ACADS: variants seen among roughly 807,000 people sequenced by gnomAD.
ACADS encodes short-chain specific acyl-CoA dehydrogenase, mitochondrial.
A neutral mutation model predicts 46.8 loss-of-function variants in ACADS; 28 were observed. The observed-to-expected ratio is 0.60, with a 90% CI of 0.44 to 0.82. The LOEUF (loss-of-function observed/expected upper bound fraction) is 0.82. Ranked by LOEUF, ACADS falls within the 40% of genes least tolerant of loss-of-function variation. The pLI is 0.00. For missense variants in ACADS, 528 were observed against 578.0 expected (o/e 0.91, Z 0.89); for synonymous variants, 236 against 237.7 (o/e 0.99, Z 0.07).
At chr12:120,729,258 CTTTT>C (rs137894149) in intron 2 of ACADS, among the ~76,000 whole-genome samples, 11 of 123,096 alleles carry the variant, frequency 8.9e-5, no homozygotes, top group African/African-American at 1.0e-4. Flanking sequence ...TTTCTTTTTT[CTTTT>C]TTTTTTTTTT....
intron 2 of ACADS, 132 bp from the exon 3 acceptor site, chr12:120,736,854 T>G (rs1883456060): frequency 1.7e-6 from 2 of 1,170,824 alleles, no homozygotes; most frequent in African/African-American, 3.1e-5. Flanking sequence ...TGGGGATCCC[T>G]TGTGCGTGGC....
Position 120,739,298 on chromosome 12 carries a change from C to T in ACADS, c.1089C>T (p.Ala363=), listed in dbSNP as rs1181387650. ...SEAATAISHQ[A]IQILGGMGYV... Reference sequence around the variant, plus strand: ...CTGAGCCACTGTTCTCATCTCAGGCCATCCAGATCCTGGGCGGCATGGGCT... The same window carrying T: ...CTGAGCCACTGTTCTCATCTCAGGCTATCCAGATCCTGGGCGGCATGGGCT... Residue 363 remains alanine, a splice_region_variant and synonymous_variant, in exon 10 of 10, where the codon GCC becomes GCT. Coordinates refer to ENST00000242592, the MANE Select transcript of ACADS (RefSeq NM_000017.4). The T allele has an allele frequency of 6.8e-6, 11 of 1,612,914 alleles. No individual in the cohort carries two copies. Among genetic ancestry groups the T allele is most frequent in the Non-Finnish European group, 8.5e-6 (10 of 1,179,950 alleles).
chr12:120,731,586 C>T (rs1883248719), intron 2 of ACADS, among the ~76,000 whole-genome samples: 1 of 151,856 alleles, frequency 6.6e-6, no homozygotes, highest in Admixed American at 6.6e-5. Flanking sequence ...TCCCAAGTAG[C>T]TGGGATTATA....
intron 2 of ACADS, among the ~76,000 whole-genome samples, chr12:120,733,197 CAGAGGGAGACCGTGGAAAGAGAGGG>C (rs1413767950): frequency 2.4e-4 from 37 of 152,276 alleles, no homozygotes; most frequent in African/African-American, 8.2e-4. Context: ...GGCTCGGCAT[CAGAGGGAGACCGTGGAAAGAGAGGG>C]AGAGGGAGAC....
In ACADS at chr12:120,737,764, G is replaced by C. The variant is rs932189721; in HGVS notation, c.473-73G>C. 3.7e-6 allele frequency: 6 copies of C among 1,601,100 alleles called. No homozygotes were observed. In the African/African-American group the frequency reaches 8.0e-5, roughly 21 times the overall value. On this transcript the variant is annotated intron_variant, in intron 4 of 9. Coordinates refer to ENST00000242592, the MANE Select transcript of ACADS (RefSeq NM_000017.4). ...GTTTCGTGTCTGCCAGCAGGGGTGT[G>C]GAGGGAGTGAGGCTGGTGCCCTTAG... is the stretch of plus-strand genomic sequence containing the variant.
chr12:120,727,005 C>T, intron 1 of ACADS, 21 bp from the exon 2 acceptor site: 2 of 1,613,958 alleles, frequency 1.2e-6, no homozygotes, highest in Non-Finnish European at 1.7e-6. Flanking sequence ...TCCTTCCACT[C>T]ACTTCTGCCC....
chr12:120,728,925 A>G lies in ACADS; in HGVS notation c.210+1736A>G, dbSNP rs1255794472. On this transcript the variant is annotated intron_variant, in intron 2 of 9. Coordinates refer to ENST00000242592, the MANE Select transcript of ACADS (RefSeq NM_000017.4). This position sits in a 1 kb window ranked among gnomAD's most constrained non-coding sequence, Gnocchi z 4.0. ...GCTTGCCTTGTCTGTCACTGCTGGG[A>G]AAGGGGTCTTACAGTTTCTTACGGT... 6.6e-6 allele frequency among the ~76,000 whole-genome samples: 1 copy of G among 152,216 alleles called. No homozygotes were observed. Among genetic ancestry groups the G allele is most frequent in the African/African-American group, 2.4e-5 (1 of 41,456 alleles).
At chr12:120,734,388 G>A (rs754991417) in intron 2 of ACADS, among the ~76,000 whole-genome samples, 8 of 152,164 alleles carry the variant, frequency 5.3e-5, no homozygotes, top group Non-Finnish European at 1.0e-4. Flanking sequence ...GTGCACTTGT[G>A]GGGGTCATAG....
rs1421147294 is a variant in ACADS at position 120,740,001 on chromosome 12, G to A, written c.*553G>A. 2 of 161,074 alleles carry A rather than the reference G, an allele frequency of 1.2e-5. No individual in the cohort carries two copies. The highest frequency in any genetic ancestry group is 4.8e-5 in the African/African-American group (2 of 41,550). 10.0% of individuals were successfully genotyped at this position (161,074 alleles called of 1,614,324 possible). ...CTGACTGTGGGTAATAAACACACCT[G>A]TCCCCCAGTCTGTGTCCTCGCCCTC... On this transcript the variant is annotated 3_prime_UTR_variant, in exon 10 of 10. Coordinates refer to ENST00000242592, the MANE Select transcript of ACADS (RefSeq NM_000017.4).
At chr12:120,730,227 C>G (rs1004186210) in intron 2 of ACADS, among the ~76,000 whole-genome samples, 5 of 152,146 alleles carry the variant, frequency 3.3e-5, no homozygotes, top group Admixed American at 1.3e-4. Flanking sequence ...GTTATCCGCC[C>G]GCCTGGGCCT....
chr12:120,730,907 G>A (rs1226415768), intron 2 of ACADS, among the ~76,000 whole-genome samples: 1 of 152,154 alleles, frequency 6.6e-6, no homozygotes, highest in Non-Finnish European at 1.5e-5. Flanking sequence ...TGAGGTTCAT[G>A]CCTAGGCCTG....
At chr12:120,726,080 C>A in intron 1 of ACADS, 149 bp downstream of exon 1, 1 of 825,944 alleles carries the variant, frequency 1.2e-6, no homozygotes, top group Non-Finnish European at 1.8e-6. Context: ...TCTGCTGCTC[C>A]TTGCGCCGAC....
Position 120,738,289 on chromosome 12 carries a change from G to A in ACADS, c.634G>A (p.Ala212Thr), listed in dbSNP as rs1883525360. The A allele has an allele frequency of 6.2e-7, 1 of 1,614,218 alleles. No individual in the cohort carries two copies. Among genetic ancestry groups the A allele is most frequent in the African/African-American group, 1.3e-5 (1 of 75,060 alleles). Residue 212 changes from alanine to threonine, a missense_variant, in exon 6 of 10, where the codon GCC becomes ACC. Physicochemically the swap from Ala to Thr is moderately conservative, Grantham distance 58. Coordinates refer to ENST00000242592, the MANE Select transcript of ACADS (RefSeq NM_000017.4). The stretch of plus-strand genomic sequence containing the variant: ...CCGCCTCTCCTTTCAGGGCATCAGT[G>A]CCTTCCTGGTCCCCATGCCAACGCC... ...DRALQNKGIS[A>T]FLVPMPTPGL...
rs1415624118 is a variant in ACADS at position 120,738,835 on chromosome 12, A to ATGGCCC, written c.959_964dup (p.Ala320_Leu321dup). ...GCTATTGCAGTTCAAGTTGGCAGACATGGCCCTGGCCCTGGAGAGTGCCCG... is the reference window on the plus strand; with the variant it reads ...GCTATTGCAGTTCAAGTTGGCAGACATGGCCCTGGCCCTGGCCCTGGAGAGTGCCCG... On this transcript the variant is annotated inframe_insertion, in exon 8 of 10. Coordinates refer to ENST00000242592, the MANE Select transcript of ACADS (RefSeq NM_000017.4). 1.2e-6 allele frequency: 2 copies of ATGGCCC among 1,613,896 alleles called. No homozygotes were observed. The highest frequency in any genetic ancestry group is 4.5e-5 in the East Asian group (2 of 44,884).
intron 8 of ACADS, 66 bp from the exon 9 acceptor site, chr12:120,739,074 G>A (rs1883564030): frequency 1.2e-6 from 2 of 1,603,450 alleles, no homozygotes; most frequent in African/African-American, 1.3e-5. Context: ...CCTGCTGAGG[G>A]AGTGGGGGAG....
chr12:120,726,693 A>T (rs1332123045), intron 1 of ACADS, among the ~76,000 whole-genome samples: 1 of 152,226 alleles, frequency 6.6e-6, no homozygotes, highest in Non-Finnish European at 1.5e-5. Context: ...TATACTGAGG[A>T]CTGAAGGATG....
In ACADS at chr12:120,728,012, A is replaced by G. The variant is rs1883139938; in HGVS notation, c.210+823A>G. On this transcript the variant is annotated intron_variant, in intron 2 of 9. Transcript: ENST00000242592. This position sits in a 1 kb window ranked among gnomAD's most constrained non-coding sequence, Gnocchi z 4.0. ...GCCCAGGCTGGAGGGCAGTGGCGCA[A>G]TCTCAACGCACTGCACCCCTCTGCC... Among the ~76,000 whole-genome samples, 1 of 151,828 alleles carries G rather than the reference A, an allele frequency of 6.6e-6. No homozygotes were observed. The highest frequency in any genetic ancestry group is 2.4e-5 in the African/African-American group (1 of 41,308).
rs780198583 is a variant in ACADS at position 120,725,839 on chromosome 12, G to A, written c.-47G>A. ...CCGCCCCCCAGCACTCCGGAACAGC[G>A]CGCTCGCAGCGGGAGGTCGCGAAGC... On this transcript the variant is annotated 5_prime_UTR_variant, in exon 1 of 10. Coordinates refer to ENST00000242592, the MANE Select transcript of ACADS (RefSeq NM_000017.4). 2.0e-5 allele frequency: 30 copies of A among 1,523,782 alleles called. No individual in the cohort carries two copies. The South Asian group carries it at 3.1e-4, about 16-fold the overall frequency. The allele number at this position is 1,523,782 out of a possible 1,614,324, so 94.4% of individuals were successfully genotyped here.
intron 2 of ACADS, 113 bp downstream of exon 2, chr12:120,727,302 G>A (rs2136939582): frequency 2.1e-6 from 3 of 1,405,384 alleles, no homozygotes; most frequent in Non-Finnish European, 3.0e-6. Flanking sequence ...CCCAAAGCAG[G>A]GCCTGGAACC....
Sources: gnomAD v4.1 joint callset for allele counts (sites outside exome capture counted in the v4.1 genomes callset) on GRCh38, gnomAD v4.1.1 for gene constraint, Gnocchi (gnomAD v3.1) non-coding constraint, MANE v1.5 for transcripts, NCBI Gene and HGNC (gene_info 2026-07-23, HGNC 2026-07-21) for gene names.